The following CNTNAP2 variants were observed in gnomAD, a reference collection of about 807,000 sequenced individuals.
The protein encoded by CNTNAP2 is contactin-associated protein-like 2.
CNTNAP2 carries 98 observed loss-of-function variants against 155.2 expected under a neutral mutation model. The ratio of observed to expected loss-of-function variants is 0.63; its 90% CI spans 0.54 to 0.75. The LOEUF (loss-of-function observed/expected upper bound fraction) is 0.75. Among genes scored for constraint, CNTNAP2 ranks in the 30% least tolerant of loss-of-function variants. The probability of loss-of-function intolerance (pLI) is 0.00; values close to 1 mark genes in which losing one functional copy is unlikely to be tolerated. For synonymous variants in CNTNAP2, 651 were observed against 631.2 expected (o/e 1.03, Z -0.47); for missense variants, 1,727 against 1,688.1 (o/e 1.02, Z -0.40).
At chr7:146,668,437 T>TGTGG (rs66794452) in intron 1 of CNTNAP2, among the ~76,000 whole-genome samples, 6,885 of 103,106 alleles carry the variant, frequency 0.067, 230 homozygotes, top group Non-Finnish European at 0.11. Context: ...CCTGTGTGTG[T>TGTGG]GTGTGTGTGT....
chr7:146,764,328 T>A (rs1802158132), intron 1 of CNTNAP2, among the ~76,000 whole-genome samples: 1 of 152,198 alleles, frequency 6.6e-6, no homozygotes, highest in South Asian at 2.1e-4. Context: ...GTGTTAGAGA[T>A]TAAAACCTCT....
At chr7:146,570,265 C>A (rs1473176726) in intron 1 of CNTNAP2, among the ~76,000 whole-genome samples, 1 of 151,922 alleles carries the variant, frequency 6.6e-6, no homozygotes, top group Non-Finnish European at 1.5e-5. Flanking sequence ...TGCTCACCAG[C>A]AAACACTGGA....
intron 1 of CNTNAP2, among the ~76,000 whole-genome samples, chr7:146,163,585 C>CTATCTATATATATATATATATATA (rs1354076042): frequency 1.6e-4 from 15 of 91,208 alleles, no homozygotes; most frequent in African/African-American, 5.6e-4. Context: ...ATCTATCTAT[C>CTATCTATATATATATATATATATA]TATATATATA....
rs1047563241 is a variant in CNTNAP2 at position 146,335,253 on chromosome 7, G to T, written c.97+218280G>T. On this transcript the variant is annotated intron_variant, in intron 1 of 23. Transcript: ENST00000361727. ...GGTCAACATCTTGAATGTAGTGTTA[G>T]TTATGATGATATATACCGTTTCTAA... Among the ~76,000 whole-genome samples the T allele has an allele frequency of 2.6e-5, 4 of 152,124 alleles. No homozygotes were observed. In the South Asian group the frequency reaches 8.3e-4, roughly 31 times the overall value.
chr7:146,769,015 T>C (rs1168036701), intron 1 of CNTNAP2, among the ~76,000 whole-genome samples: 1 of 152,246 alleles, frequency 6.6e-6, no homozygotes, highest in Non-Finnish European at 1.5e-5. Context: ...AGCTATTTCA[T>C]GTCTATTTGC....
At chr7:147,830,742 T>G (rs1448806473) in intron 13 of CNTNAP2, among the ~76,000 whole-genome samples, 1 of 152,216 alleles carries the variant, frequency 6.6e-6, no homozygotes, top group Non-Finnish European at 1.5e-5. Flanking sequence ...TGCCATGCTC[T>G]GTACGCATTA....
rs751575123 is a variant in CNTNAP2, at chr7:146,954,502, G to T, written c.403-89405G>T. 5.3e-5 allele frequency among the ~76,000 whole-genome samples: 8 copies of T among 151,942 alleles called. No individual in the cohort carries two copies. The East Asian group carries it at 5.8e-4, about 11-fold the overall frequency. ...CGTAAATATTCTTACTTCTGGAAAA[G>T]AATTGTTGAATCAGTCAGGAATTTG... On this transcript the variant is annotated intron_variant, in intron 3 of 23. Coordinates refer to ENST00000361727, the MANE Select transcript of CNTNAP2 (RefSeq NM_014141.6).
chr7:147,675,439 G>A (rs1795853604), intron 13 of CNTNAP2, among the ~76,000 whole-genome samples: 1 of 152,056 alleles, frequency 6.6e-6, no homozygotes, highest in Admixed American at 6.6e-5. Flanking sequence ...TGACCCTTAT[G>A]GGAGACCACT....
At chr7:148,032,796 T>C (rs1452543501) in intron 15 of CNTNAP2, among the ~76,000 whole-genome samples, 1 of 152,236 alleles carries the variant, frequency 6.6e-6, no homozygotes, top group Non-Finnish European at 1.5e-5. Context: ...GGGTTTTCTA[T>C]GTTGATGAGC....
intron 21 of CNTNAP2, among the ~76,000 whole-genome samples, chr7:148,283,304 A>AAGGAAGG (rs1797017609): frequency 8.9e-5 from 8 of 89,418 alleles, no homozygotes; most frequent in African/African-American, 4.7e-4. Context: ...AGAAAGAAAG[A>AAGGAAGG]AAGGAAGGAA....
At chr7:148,075,599 T>A (rs975292725) in intron 15 of CNTNAP2, among the ~76,000 whole-genome samples, 4 of 152,092 alleles carry the variant, frequency 2.6e-5, no homozygotes, top group Non-Finnish European at 4.4e-5. Flanking sequence ...CAGATACAAG[T>A]GATAAAAAAT....
intron 2 of CNTNAP2, among the ~76,000 whole-genome samples, chr7:146,799,393 A>C (rs1802833629): frequency 6.6e-6 from 1 of 152,206 alleles, no homozygotes; most frequent in South Asian, 2.1e-4. Context: ...TTGTATACAC[A>C]GCATCTAACA....
intron 1 of CNTNAP2, among the ~76,000 whole-genome samples, chr7:146,220,811 A>G (rs1326388248): frequency 2.0e-5 from 3 of 152,236 alleles, no homozygotes; most frequent in Non-Finnish European, 4.4e-5. Context: ...TTGGAAACCT[A>G]GTAGATCCAT....
At chr7:147,859,529 T>C (rs147218149) in intron 13 of CNTNAP2, among the ~76,000 whole-genome samples, 66 of 124,514 alleles carry the variant, frequency 5.3e-4, no homozygotes, top group Middle Eastern at 4.3e-3. Flanking sequence ...AAGGAGCTAT[T>C]TGAAAACCAG....
chr7:146,172,034 T>C, intron 1 of CNTNAP2, among the ~76,000 whole-genome samples: 1 of 5,702 alleles, frequency 1.8e-4, no homozygotes, highest in Non-Finnish European at 8.3e-4. Context: ...CTCTTAGTAT[T>C]TTTTTTTTTT....
chr7:146,376,529 G>A (rs573233603), intron 1 of CNTNAP2, among the ~76,000 whole-genome samples: 45 of 152,150 alleles, frequency 3.0e-4, no homozygotes, highest in African/African-American at 1.0e-3. Context: ...AAAACTTCTT[G>A]TAAGAGTTTT....
At chr7:148,152,836 C>T (rs543409194) in intron 17 of CNTNAP2, among the ~76,000 whole-genome samples, 10 of 151,888 alleles carry the variant, frequency 6.6e-5, no homozygotes, top group South Asian at 2.1e-4. Context: ...CTGGCTAGCA[C>T]GGTGAAACCC....
At chr7:146,358,932 G>A (rs1299423046) in intron 1 of CNTNAP2, among the ~76,000 whole-genome samples, 5 of 151,686 alleles carry the variant, frequency 3.3e-5, no homozygotes, top group Non-Finnish European at 4.4e-5. Flanking sequence ...TTGATACATC[G>A]CCTTACTAGG....
chr7:147,848,178 G>A (rs891201513), intron 13 of CNTNAP2, among the ~76,000 whole-genome samples: 1 of 139,860 alleles, frequency 7.2e-6, no homozygotes, highest in African/African-American at 2.6e-5. Flanking sequence ...GGGCAATGGC[G>A]GGCGCCCCTC....
Sources: allele counts gnomAD v4.1 joint callset (sites outside exome capture counted in the v4.1 genomes callset), GRCh38; gene constraint gnomAD v4.1.1; transcripts MANE v1.5; gene names NCBI Gene and HGNC (gene_info 2026-07-23, HGNC 2026-07-21).